CHID1: variants seen among roughly 807,000 people sequenced by gnomAD.
The protein encoded by CHID1 is chitinase domain containing 1, also known as chitinase domain-containing protein 1.
A neutral mutation model predicts 55.4 loss-of-function variants in CHID1; 44 were observed. That is an observed-to-expected ratio of 0.79 (90% CI 0.62 to 1.02). The LOEUF is 1.02. CHID1 is among the 50% of genes least tolerant of loss of function. CHID1 has a pLI of 0.00. For synonymous variants in CHID1, 216 were observed against 212.9 expected (o/e 1.01, Z -0.13); for missense variants, 491 against 515.3 (o/e 0.95, Z 0.46).
At chr11:914,862 G>A, upstream of CHID1, 1 of 330,454 alleles carries the variant, frequency 3.0e-6, no homozygotes, top group Non-Finnish European at 5.9e-6. Context: ...CTCCTCATTT[G>A]CAGAGTCAGC....
chr11:899,925 C>A, intron 6 of CHID1, 79 bp downstream of exon 6: 1 of 1,025,098 alleles, frequency 9.8e-7, no homozygotes, highest in East Asian at 2.4e-5. Flanking sequence ...GAGTGGAGGC[C>A]TCGCGGGAGG....
chr11:878,617 T>A (rs954708435), intron 10 of CHID1, among the ~76,000 whole-genome samples: 21 of 152,186 alleles, frequency 1.4e-4, no homozygotes, highest in Admixed American at 1.4e-3. Context: ...GGTATTCTGT[T>A]ATAAGCAACA....
chr11:879,189 A>G (rs968300971), intron 10 of CHID1, among the ~76,000 whole-genome samples: 5 of 152,050 alleles, frequency 3.3e-5, no homozygotes, highest in African/African-American at 1.2e-4. Context: ...ACGGGGTTTC[A>G]CTATGTTGGT....
At position 868,062 on chromosome 11, in the gene CHID1, G is replaced by A. The variant is rs1848969662; in HGVS notation, c.*1796C>T. On this transcript the variant is annotated 3_prime_UTR_variant, in exon 13 of 13. Coordinates refer to ENST00000323578, the MANE Select transcript of CHID1 (RefSeq NM_023947.4). ...CCCCCGGGAGACACAGCCCGCTCTA[G>A]ACATCCCATCCTGTGTGGCATCCCC... 1 of 151,186 alleles carries A rather than the reference G, an allele frequency of 6.6e-6. No homozygotes were observed. The highest frequency in any genetic ancestry group is 2.4e-5 in the African/African-American group (1 of 41,042). 9.4% of individuals were successfully genotyped at this position (151,186 alleles called of 1,614,324 possible). A position where few individuals can be genotyped will look rare whatever the true frequency, so the allele number is the denominator to read the frequency against.
At chr11:904,673 T>C in intron 2 of CHID1, 33 bp downstream of exon 2, 1 of 1,613,142 alleles carries the variant, frequency 6.2e-7, no homozygotes, top group Non-Finnish European at 8.5e-7. Flanking sequence ...CCTCAGCCAG[T>C]ACAGTCACCT....
chr11:882,492 C>G (rs1458314882), intron 10 of CHID1: 1 of 152,200 alleles, frequency 6.6e-6, no homozygotes, highest in Non-Finnish European at 1.5e-5. Context: ...AGTACGAATG[C>G]AGACTCAAGA....
intron 11 of CHID1, 57 bp downstream of exon 11, chr11:870,362 C>T (rs1268917990): frequency 4.1e-6 from 6 of 1,464,438 alleles, no homozygotes; most frequent in Non-Finnish European, 5.7e-6. Flanking sequence ...ATCTCCACCC[C>T]CAGGGCCCCT....
At chr11:890,609 G>A (rs903436673) in intron 8 of CHID1, among the ~76,000 whole-genome samples, 1 of 152,214 alleles carries the variant, frequency 6.6e-6, no homozygotes, top group African/African-American at 2.4e-5. Flanking sequence ...AAAACACAAG[G>A]GGCCAACTAG....
chr11:891,314 G>T (rs776775357), intron 8 of CHID1, among the ~76,000 whole-genome samples: 9 of 152,064 alleles, frequency 5.9e-5, no homozygotes, highest in Admixed American at 5.2e-4. Flanking sequence ...CCTCGGCCCC[G>T]CCCCCAGCCT....
chr11:884,245 G>A (rs970531447), intron 8 of CHID1, 76 bp from the exon 9 acceptor site: 1 of 1,136,790 alleles, frequency 8.8e-7, no homozygotes, highest in Non-Finnish European at 1.3e-6. Flanking sequence ...GTTCGAGCAA[G>A]CTGCCTGTAG....
Position 867,883 on chromosome 11 carries a change from T to A in CHID1, c.*1975A>T, listed in dbSNP as rs2134087731. 6.6e-6 allele frequency: 1 copy of A among 152,182 alleles called. No individual in the cohort carries two copies. The highest frequency in any genetic ancestry group is 2.1e-4 in the South Asian group (1 of 4,816). 9.4% of individuals were successfully genotyped at this position (152,182 alleles called of 1,614,324 possible). A position where few individuals can be genotyped will look rare whatever the true frequency, so the allele number is the denominator to read the frequency against. The stretch of plus-strand genomic sequence containing the variant: ...GTCACAGGGCATGAAAAAAAATGCA[T>A]CAAGGTGCCTCAGGATTCTCACAGC... On this transcript the variant is annotated 3_prime_UTR_variant, in exon 13 of 13. Coordinates refer to ENST00000323578, the MANE Select transcript of CHID1 (RefSeq NM_023947.4).
chr11:870,284 G>A, intron 11 of CHID1, 121 bp from the exon 12 acceptor site: 1 of 1,421,930 alleles, frequency 7.0e-7, no homozygotes, highest in Non-Finnish European at 9.9e-7. Context: ...CTGTCCAGCT[G>A]TGCTCCAGGG....
chr11:873,110 G>C lies in CHID1; in HGVS notation c.960-2611C>G, dbSNP rs373361303. Among the ~76,000 whole-genome samples the C allele has an allele frequency of 2.0e-3, 305 of 152,280 alleles. 1 individual carries two copies. The highest frequency in any genetic ancestry group is 0.014 in the Middle Eastern group (4 of 294). On this transcript the variant is annotated intron_variant, in intron 10 of 12. Coordinates refer to ENST00000323578, the MANE Select transcript of CHID1 (RefSeq NM_023947.4). ...AGCTGGAGCCCAGGTGCTGGGTGGG[G>C]GTGTGTGCCCAGCTCCCAAAAGCCC... is the stretch of plus-strand genomic sequence containing the variant.
At chr11:880,267 C>T (rs1849812775) in intron 10 of CHID1, among the ~76,000 whole-genome samples, 3 of 152,236 alleles carry the variant, frequency 2.0e-5, no homozygotes, top group South Asian at 2.1e-4. Context: ...CCAGGCTCTT[C>T]GCCCCGCCTG....
intron 10 of CHID1, among the ~76,000 whole-genome samples, chr11:879,583 T>C (rs1307130082): frequency 3.9e-5 from 2 of 51,150 alleles, no homozygotes; most frequent in South Asian, 1.2e-3. Context: ...CGACCCCACC[T>C]TGACGGCACC....
In CHID1 at chr11:893,533, G is replaced by A; in HGVS notation, c.609-14C>T. ...TGGATGAGGCCCCTGCAAGAACCGA[G>A]AGATGGGGTCAGCAGTGCCTGGCAC... On this transcript the variant is annotated splice_polypyrimidine_tract_variant and intron_variant, in intron 7 of 12. Coordinates refer to ENST00000323578, the MANE Select transcript of CHID1 (RefSeq NM_023947.4). The A allele has an allele frequency of 6.5e-7, 1 of 1,543,438 alleles. No homozygotes were observed. Among genetic ancestry groups the A allele is most frequent in the Non-Finnish European group, 8.8e-7 (1 of 1,141,258 alleles).
intron 10 of CHID1, among the ~76,000 whole-genome samples, chr11:877,097 T>C (rs1849569566): frequency 6.6e-6 from 1 of 152,136 alleles, no homozygotes. Flanking sequence ...TGCCTTTCTT[T>C]CCTGACTGGG....
At position 870,762 on chromosome 11, in the gene CHID1, A is replaced by G. The variant is rs541140114; in HGVS notation, c.960-263T>C. The G allele has an allele frequency of 3.0e-4, 132 of 437,256 alleles. No individual in the cohort carries two copies. The South Asian group carries it at 3.4e-3, about 11-fold the overall frequency. 27.1% of individuals were successfully genotyped at this position (437,256 alleles called of 1,614,324 possible). A position where few individuals can be genotyped will look rare whatever the true frequency, so the allele number is the denominator to read the frequency against. On this transcript the variant is annotated intron_variant, in intron 10 of 12. Coordinates refer to ENST00000323578, the MANE Select transcript of CHID1 (RefSeq NM_023947.4). ...ACCAAGTCCTTTCAGTGGCCTGGAG[A>G]GTGACACGGGGCCTGAAACTGCCTG...
At chr11:901,080 T>G in intron 4 of CHID1, 100 bp from the exon 5 acceptor site, 2 of 1,124,156 alleles carry the variant, frequency 1.8e-6, no homozygotes, top group Non-Finnish European at 2.6e-6. Flanking sequence ...CAATACGCAA[T>G]GGGAAGGGCA....
Sources: allele counts gnomAD v4.1 joint callset (sites outside exome capture counted in the v4.1 genomes callset), GRCh38; gene constraint gnomAD v4.1.1; transcripts MANE v1.5; gene names NCBI Gene and HGNC (gene_info 2026-07-23, HGNC 2026-07-21).